Variants in AOX1 observed in about 807,000 individuals in gnomAD.
AOX1 encodes the protein aldehyde oxidase.
Under a neutral mutation model 169.5 loss-of-function variants are expected in AOX1, and 153 were observed. The observed-to-expected ratio is 0.90, with a 90% CI of 0.79 to 1.03. AOX1 has a LOEUF of 1.03. Ranked by LOEUF, AOX1 falls within the 50% of genes least tolerant of loss-of-function variation. The pLI, the probability that AOX1 is intolerant of heterozygous loss-of-function variation, is 0.00. For missense variants in AOX1, 1,656 were observed against 1,663.9 expected (o/e 1.00, Z 0.08); for synonymous variants, 562 against 581.9 (o/e 0.97, Z 0.49).
In AOX1 at chr2:200,595,353, T is replaced by A. The variant is rs2034261518; in HGVS notation, c.185T>A (p.Ile62Asn). 2 of 1,612,362 alleles carry A rather than the reference T, an allele frequency of 1.2e-6. No individual in the cohort carries two copies. Among genetic ancestry groups the A allele is most frequent in the Non-Finnish European group, 8.5e-7 (1 of 1,178,948 alleles). ...GTGATGATATCACGATACAACCCCA[T>A]CACCAAGAGGATAAGGTACCGTGCA... ...CTVMISRYNP[I>N]TKRIRHHPAN... The change falls in exon 3 of 35, where the codon ATC becomes AAC. Residue 62 changes from isoleucine to asparagine, a missense_variant. Physicochemically the swap from Ile to Asn is moderately radical, Grantham distance 149 (BLOSUM62 -3). Transcript: ENST00000374700.
chr2:200,658,955 G>C (rs770598641), intron 27 of AOX1, among the ~76,000 whole-genome samples: 1 of 152,198 alleles, frequency 6.6e-6, no homozygotes, highest in Non-Finnish European at 1.5e-5. Context: ...GAAAGTCAAA[G>C]AAAAAGAAAG....
At chr2:200,639,739 T>C (rs2035313566) in intron 23 of AOX1, among the ~76,000 whole-genome samples, 1 of 151,974 alleles carries the variant, frequency 6.6e-6, no homozygotes, top group South Asian at 2.1e-4. Context: ...AAAAGATAGG[T>C]CTTCAAGAAT....
intron 23 of AOX1, among the ~76,000 whole-genome samples, chr2:200,638,819 A>T (rs572255946): frequency 6.6e-6 from 1 of 152,206 alleles, no homozygotes; most frequent in South Asian, 2.1e-4. Context: ...TACTTCTCAG[A>T]GTGGGCTAAC....
intron 31 of AOX1, among the ~76,000 whole-genome samples, chr2:200,664,303 T>TA: frequency 6.6e-6 from 1 of 152,356 alleles, no homozygotes; most frequent in Middle Eastern, 3.4e-3. Context: ...TTTGTATTTT[T>TA]AGTACAGACA....
chr2:200,604,813 C>A lies in AOX1; in HGVS notation c.787C>A (p.Pro263Thr). Residue 263 changes from proline to threonine, a missense_variant, in exon 9 of 35, where the codon CCT becomes ACT. Transcript: ENST00000374700. ...LEFKFKYPQA[P>T]VIMGNTSVGP... The stretch of plus-strand genomic sequence containing the variant: ...ATTTAAATTCAAGTATCCCCAGGCT[C>A]CTGTTATCATGGGAAACACCTCTGT... 1 of 1,613,970 alleles carries A rather than the reference C, an allele frequency of 6.2e-7. No individual in the cohort carries two copies. The highest frequency in any genetic ancestry group is 1.3e-5 in the African/African-American group (1 of 75,014).
chr2:200,659,189 C>G lies in AOX1; in HGVS notation c.3196C>G (p.Pro1066Ala), dbSNP rs777368529. 3 of 1,613,662 alleles carry G rather than the reference C, an allele frequency of 1.9e-6. No individual in the cohort carries two copies. The Admixed American group carries it at 5.0e-5, about 27-fold the overall frequency. Residue 1066 changes from proline (P) to alanine (A), a missense_variant, in exon 28 of 35, where the codon CCA becomes GCA. Physicochemically the swap from Pro to Ala is conservative, Grantham distance 27. Coordinates refer to ENST00000374700, the MANE Select transcript of AOX1 (RefSeq NM_001159.4). Reference protein sequence around the residue: ...IQVVSRELRMPMSNVHLRGTS... With the variant: ...IQVVSRELRMAMSNVHLRGTS... ...GGTGGTCAGCCGTGAATTAAGAATG[C>G]CAATGTCGAATGTCCACCTGCGTGG... is the stretch of plus-strand genomic sequence containing the variant.
chr2:200,611,176 G>C (rs1467586809), intron 12 of AOX1, among the ~76,000 whole-genome samples: 1 of 152,178 alleles, frequency 6.6e-6, no homozygotes, highest in Non-Finnish European at 1.5e-5. Flanking sequence ...CGATGAGAAA[G>C]CAAGGAAAAC....
In AOX1 at chr2:200,636,975, G is replaced by C. The variant is rs760310939; in HGVS notation, c.2411G>C (p.Gly804Ala). The change falls in exon 22 of 35, where the codon GGT (glycine) becomes GCT (alanine). Residue 804 changes from glycine to alanine, a missense_variant. Transcript: ENST00000374700. ...GTCATGTGCCATGTAAGGCGTGTTG[G>C]TGGAGCGTTTGGAGGGAAGGTGTTA... Reference protein sequence around the residue: ...NKVMCHVRRVGGAFGGKVLKT... With the variant: ...NKVMCHVRRVAGAFGGKVLKT... 1 of 1,614,134 alleles carries C rather than the reference G, an allele frequency of 6.2e-7. No homozygotes were observed. The highest frequency in any genetic ancestry group is 8.5e-7 in the Non-Finnish European group (1 of 1,180,004).
Position 200,593,307 on chromosome 2 carries a change from T to C in AOX1, c.103+104T>C, listed in dbSNP as rs1026905367. 12 of 905,192 alleles carry C rather than the reference T, an allele frequency of 1.3e-5. No homozygotes were observed. In the African/African-American group the frequency reaches 2.0e-4, roughly 15 times the overall value. The allele number at this position is 905,192 out of a possible 1,614,324, so 56.1% of individuals were successfully genotyped here. On this transcript the variant is annotated intron_variant, in intron 2 of 34. Coordinates refer to ENST00000374700, the MANE Select transcript of AOX1 (RefSeq NM_001159.4). ...AATATACATTAGAGACACTGAGACA[T>C]ATTCCCTACTATCATGGTTTTATGC...
chr2:200,657,190 A>ATTTTTTTTT lies in AOX1; in HGVS notation c.3171+260_3171+268dup, dbSNP rs5837752. 2.0e-3 allele frequency among the ~76,000 whole-genome samples: 128 copies of ATTTTTTTTT among 62,868 alleles called. 4 individuals are homozygous for ATTTTTTTTT. Among genetic ancestry groups the ATTTTTTTTT allele is most frequent in the African/African-American group, 9.2e-3 (116 of 12,628 alleles). The allele number at this position is 62,868 out of a possible 152,430, so 41.2% of individuals were successfully genotyped here. Reference sequence around the variant, plus strand: ...AATATATATATATATATATATATATATTTTTTTTTTTTTTTAATTAGCAGG... The same window carrying ATTTTTTTTT: ...AATATATATATATATATATATATATATTTTTTTTTTTTTTTTTTTTTTTTAATTAGCAGG... On this transcript the variant is annotated intron_variant, in intron 27 of 34. Transcript: ENST00000374700.
intron 24 of AOX1, 44 bp from the exon 25 acceptor site, chr2:200,642,566 C>T: frequency 6.3e-7 from 1 of 1,581,962 alleles, no homozygotes. Context: ...GATGGTGAAA[C>T]AGGTTCAGAA....
intron 12 of AOX1, 119 bp downstream of exon 12, chr2:200,609,533 C>A: frequency 1.3e-6 from 1 of 795,910 alleles, no homozygotes; most frequent in South Asian, 1.7e-5. Context: ...ATACATTTCT[C>A]TGCTTTTCTG....
chr2:200,633,258 G>A (rs1463389314), intron 20 of AOX1, among the ~76,000 whole-genome samples: 1 of 152,074 alleles, frequency 6.6e-6, no homozygotes, highest in Middle Eastern at 3.2e-3. Flanking sequence ...TGAATCTGTA[G>A]ATTAGTGTCG....
At chr2:200,669,790 T>G in intron 34 of AOX1, 48 bp downstream of exon 34, 1 of 1,591,734 alleles carries the variant, frequency 6.3e-7, no homozygotes, top group Non-Finnish European at 8.6e-7. Flanking sequence ...AATTCTGAAT[T>G]TTTGGCCTCT....
intron 16 of AOX1, among the ~76,000 whole-genome samples, chr2:200,619,910 C>T (rs770875661): frequency 6.6e-6 from 1 of 152,158 alleles, no homozygotes; most frequent in Non-Finnish European, 1.5e-5. Flanking sequence ...ACGATATCAT[C>T]ATACTCTTCT....
At chr2:200,633,916 G>C (rs1443793353) in intron 20 of AOX1, among the ~76,000 whole-genome samples, 1 of 152,104 alleles carries the variant, frequency 6.6e-6, no homozygotes, top group Non-Finnish European at 1.5e-5. Flanking sequence ...GCTAGGTAGG[G>C]GTTGTAAGTC....
intron 15 of AOX1, 79 bp downstream of exon 15, chr2:200,614,045 C>T: frequency 7.6e-7 from 1 of 1,309,004 alleles, no homozygotes; most frequent in Non-Finnish European, 1.1e-6. Context: ...TGACTCCCTA[C>T]CAAATAGCTG....
At position 200,595,384 on chromosome 2, in the gene AOX1, G is replaced by A. The variant is rs751198235; in HGVS notation, c.200+16G>A. ...AGAGGATAAGGTACCGTGCAGCAAAGTCCAGATATGGTTGAATTTTTATAA... is the reference window on the plus strand; with the variant it reads ...AGAGGATAAGGTACCGTGCAGCAAAATCCAGATATGGTTGAATTTTTATAA... On this transcript the variant is annotated intron_variant, in intron 3 of 34. Coordinates refer to ENST00000374700, the MANE Select transcript of AOX1 (RefSeq NM_001159.4). The A allele has an allele frequency of 1.3e-6, 2 of 1,582,482 alleles. No homozygotes were observed. The highest frequency in any genetic ancestry group is 1.7e-6 in the Non-Finnish European group (2 of 1,159,796).
At chr2:200,623,562 A>G (rs1451528047) in intron 18 of AOX1, among the ~76,000 whole-genome samples, 1 of 152,212 alleles carries the variant, frequency 6.6e-6, no homozygotes, top group Non-Finnish European at 1.5e-5. Context: ...ACATCAAGCC[A>G]TGGGACAGGC....
Sources: allele counts gnomAD v4.1 joint callset (sites outside exome capture counted in the v4.1 genomes callset), GRCh38; gene constraint gnomAD v4.1.1; transcripts MANE v1.5; gene names NCBI Gene and HGNC (gene_info 2026-07-23, HGNC 2026-07-21).